The following EXOC6 variants were observed in gnomAD, a reference collection of about 807,000 sequenced individuals.
The protein encoded by EXOC6 is SEC15-like 1.
EXOC6 carries 60 observed loss-of-function variants against 112.5 expected under a neutral mutation model. The ratio of observed to expected loss-of-function variants is 0.53; its 90% confidence interval spans 0.43 to 0.66. The LOEUF (loss-of-function observed/expected upper bound fraction) is 0.66, where lower values mean the gene tolerates loss of function less well. Among genes scored for constraint, EXOC6 ranks in the 30% least tolerant of loss-of-function variants. EXOC6 has a pLI of 0.00. For synonymous variants in EXOC6, 295 were observed against 308.0 expected, an observed-to-expected ratio of 0.96 and a Z score of 0.44; for missense variants, 855 against 957.1, an observed-to-expected ratio of 0.89 and a Z score of 1.41.
chr10:92,930,142 G>A (rs913497427), intron 9 of EXOC6, among the ~76,000 whole-genome samples: 17 of 152,222 alleles, frequency 1.1e-4, no homozygotes, highest in African/African-American at 2.9e-4. Context: ...GAATACACAC[G>A]CTTTACATGT....
intron 1 of EXOC6, among the ~76,000 whole-genome samples, chr10:92,871,521 CAT>C (rs1277434098): frequency 2.9e-5 from 4 of 137,864 alleles, no homozygotes; most frequent in Non-Finnish European, 6.2e-5. Flanking sequence ...AAAAAAAAAT[CAT>C]AGGCCAGTTG....
chr10:93,011,685 T>G (rs1227587669), intron 19 of EXOC6, among the ~76,000 whole-genome samples: 1 of 152,162 alleles, frequency 6.6e-6, no homozygotes, highest in Non-Finnish European at 1.5e-5. Context: ...TAATTTTGCT[T>G]ATCGTTTTTC....
rs551489482 is a variant in EXOC6 at position 92,969,216 on chromosome 10, T to A, written c.1774-4837T>A. On this transcript the variant is annotated intron_variant, in intron 17 of 21. Transcript: ENST00000260762. Reference sequence around the variant, plus strand: ...TGCCATGTAAGAAGCCCAGTTACTCTTTAGCCACTTTAGTGCTTTGAGGAA... The same window carrying A: ...TGCCATGTAAGAAGCCCAGTTACTCATTAGCCACTTTAGTGCTTTGAGGAA... 2.0e-5 allele frequency among the ~76,000 whole-genome samples: 3 copies of A among 152,286 alleles called. No individual in the cohort carries two copies. The East Asian group carries it at 5.8e-4, about 29-fold the overall frequency.
intron 20 of EXOC6, among the ~76,000 whole-genome samples, chr10:93,023,336 T>A (rs1421784465): frequency 6.6e-6 from 1 of 152,210 alleles, no homozygotes; most frequent in Non-Finnish European, 1.5e-5. Context: ...TGGGACTCTA[T>A]GAGAGACTAG....
At chr10:92,937,599 T>G (rs1269131751) in intron 12 of EXOC6, among the ~76,000 whole-genome samples, 5 of 152,200 alleles carry the variant, frequency 3.3e-5, no homozygotes, top group Non-Finnish European at 7.4e-5. Context: ...GGCTTATATT[T>G]TAACAGCGGG....
At chr10:92,885,957 G>A (rs893136638) in intron 1 of EXOC6, among the ~76,000 whole-genome samples, 3 of 151,920 alleles carry the variant, frequency 2.0e-5, no homozygotes, top group South Asian at 2.1e-4. Context: ...TCTAATGTTC[G>A]CTCTTGCTGG....
At chr10:92,993,101 T>G (rs1843340403) in intron 18 of EXOC6, among the ~76,000 whole-genome samples, 1 of 152,146 alleles carries the variant, frequency 6.6e-6, no homozygotes, top group Non-Finnish European at 1.5e-5. Context: ...ATTAATGAAG[T>G]CACTTATCAG....
intron 20 of EXOC6, among the ~76,000 whole-genome samples, chr10:93,030,581 A>C (rs61659610): frequency 2.0e-5 from 3 of 152,184 alleles, no homozygotes; most frequent in African/African-American, 7.2e-5. Context: ...ATACCAGCTC[A>C]TGTAGAGTTC....
intron 9 of EXOC6, among the ~76,000 whole-genome samples, chr10:92,929,388 C>A (rs959289021): frequency 1.3e-5 from 2 of 152,186 alleles, no homozygotes; most frequent in Non-Finnish European, 2.9e-5. Flanking sequence ...GTATTTCCAT[C>A]CTGATACTAT....
chr10:93,046,667 G>A (rs1370633684), intron 20 of EXOC6, among the ~76,000 whole-genome samples: 1 of 151,382 alleles, frequency 6.6e-6, no homozygotes, highest in East Asian at 1.9e-4. Context: ...GCATGATCTC[G>A]GCTCACTGCA....
At chr10:92,997,806 G>A (rs1299576634) in intron 19 of EXOC6, among the ~76,000 whole-genome samples, 191 bp downstream of exon 19, 1 of 152,076 alleles carries the variant, frequency 6.6e-6, no homozygotes, top group African/African-American at 2.4e-5. Flanking sequence ...CACATTTAGG[G>A]CCTCTAGAGA....
intron 17 of EXOC6, among the ~76,000 whole-genome samples, chr10:92,970,143 A>G (rs1842236582): frequency 6.6e-6 from 1 of 152,210 alleles, no homozygotes; most frequent in African/African-American, 2.4e-5. Context: ...TGCTAGGGAT[A>G]TATCAGTGAA....
chr10:92,834,108 C>A (rs748472604), upstream of EXOC6, among the ~76,000 whole-genome samples: 1 of 152,094 alleles, frequency 6.6e-6, no homozygotes, highest in Non-Finnish European at 1.5e-5. Flanking sequence ...GAACTAATGG[C>A]TCTATCTCTA....
upstream of EXOC6, among the ~76,000 whole-genome samples, chr10:92,831,998 C>G (rs1028593838): frequency 6.6e-6 from 1 of 152,144 alleles, no homozygotes; most frequent in Non-Finnish European, 1.5e-5. Context: ...AGAACTGGAT[C>G]AGTCATCACA....
chr10:92,895,183 A>G (rs1024641034), intron 4 of EXOC6, among the ~76,000 whole-genome samples, 163 bp downstream of exon 4: 2 of 152,182 alleles, frequency 1.3e-5, no homozygotes, highest in Non-Finnish European at 2.9e-5. Context: ...CTGAATATTC[A>G]TGCTTTTGTC....
intron 5 of EXOC6, among the ~76,000 whole-genome samples, chr10:92,905,226 A>G (rs1850377012): frequency 1.3e-5 from 2 of 151,994 alleles, no homozygotes; most frequent in Non-Finnish European, 2.9e-5. Context: ...CTATCCTTCA[A>G]CTTTGTTCTT....
At chr10:92,867,650 A>G (rs933131935) in intron 1 of EXOC6, among the ~76,000 whole-genome samples, 2 of 152,204 alleles carry the variant, frequency 1.3e-5, no homozygotes, top group African/African-American at 4.8e-5. Context: ...ACACAAATGT[A>G]AAATGAATAT....
In EXOC6 at chr10:92,952,270, C is replaced by T. The variant is rs1228647531; in HGVS notation, c.1417-3C>T. On this transcript the variant is annotated splice_region_variant and splice_polypyrimidine_tract_variant and intron_variant, in intron 14 of 21. Coordinates refer to ENST00000260762, the MANE Select transcript of EXOC6 (RefSeq NM_019053.6). The stretch of plus-strand genomic sequence containing the variant: ...AAACAATATTAACTTTCTTTTTCTA[C>T]AGCAGTCTTTCCCAAAGAAATTCCC... The T allele has an allele frequency of 6.4e-7, 1 of 1,559,266 alleles. No individual in the cohort carries two copies.
rs1396826182 is a variant in EXOC6, at chr10:93,058,735, A to G, written c.*380A>G. ...TTTTTGATCAGTATATGGCTTTGGA[A>G]TTCAATCATGTCTGATATGGTAGTA... On this transcript the variant is annotated 3_prime_UTR_variant, in exon 22 of 22. Coordinates refer to ENST00000260762, the MANE Select transcript of EXOC6 (RefSeq NM_019053.6). The G allele has an allele frequency of 6.5e-6, 1 of 154,072 alleles. No individual in the cohort carries two copies. The highest frequency in any genetic ancestry group is 1.9e-4 in the East Asian group (1 of 5,272). 9.5% of individuals were successfully genotyped at this position (154,072 alleles called of 1,614,324 possible). A position where few individuals can be genotyped will look rare whatever the true frequency, so the allele number is the denominator to read the frequency against.
Sources: allele counts gnomAD v4.1 joint callset (sites outside exome capture counted in the v4.1 genomes callset), GRCh38; gene constraint gnomAD v4.1.1; transcripts MANE v1.5; gene names NCBI Gene and HGNC (gene_info 2026-07-23, HGNC 2026-07-21).